Variants in NFASC observed in about 807,000 individuals in gnomAD.
NFASC encodes the protein neurofascin homolog.
NFASC carries 43 observed loss-of-function variants against 147.5 expected under a neutral mutation model. That is an observed-to-expected ratio of 0.29 (90% CI 0.23 to 0.38). NFASC has a LOEUF of 0.38. Among genes scored for constraint, NFASC ranks in the 10% least tolerant of loss-of-function variants. The pLI is 1.00. For synonymous variants in NFASC, 622 were observed against 665.5 expected (o/e 0.93, Z 1.01); for missense variants, 1,320 against 1,689.0 (o/e 0.78, Z 3.83).
chr1:204,905,248 CT>C (rs1258532017), intron 1 of NFASC, among the ~76,000 whole-genome samples: 1 of 152,142 alleles, frequency 6.6e-6, no homozygotes, highest in Non-Finnish European at 1.5e-5. Context: ...GCACACCTGG[CT>C]TATTTTTAAT....
intron 2 of NFASC, among the ~76,000 whole-genome samples, chr1:204,933,216 G>A (rs2092524246): frequency 6.6e-6 from 1 of 152,230 alleles, no homozygotes; most frequent in Non-Finnish European, 1.5e-5. Context: ...CATGGAGAAT[G>A]GATTGGATGG....
rs770983105 is a variant in NFASC, at chr1:204,954,394, G to A, written c.412+10G>A. The A allele has an allele frequency of 7.1e-5, 114 of 1,612,448 alleles. No individual in the cohort carries two copies. Among genetic ancestry groups the A allele is most frequent in the South Asian group, 4.7e-4 (43 of 90,884 alleles). On this transcript the variant is annotated intron_variant, in intron 6 of 29. Transcript: ENST00000339876. The surrounding 1 kb of genome is among the most constrained non-coding windows in gnomAD (Gnocchi z 5.7). ...CGCCTGCAGGTGTCTAGTGAGTAGC[G>A]TGGGGCAGGGCTGAAATGCCCTGCT... is the stretch of plus-strand genomic sequence containing the variant.
At chr1:204,832,975 A>G (rs771371134) in intron 1 of NFASC, among the ~76,000 whole-genome samples, 5 of 152,216 alleles carry the variant, frequency 3.3e-5, no homozygotes, top group Non-Finnish European at 7.3e-5. Context: ...GCCTAACTGT[A>G]AGGGCAGATG....
At chr1:204,901,687 C>T (rs747025484) in intron 1 of NFASC, among the ~76,000 whole-genome samples, 11 of 151,984 alleles carry the variant, frequency 7.2e-5, no homozygotes, top group South Asian at 4.2e-4. Flanking sequence ...GGCAGTAGCC[C>T]GAGGGGAGAG....
At chr1:204,958,111 G>A (rs183524374) in intron 8 of NFASC, among the ~76,000 whole-genome samples, 4 of 152,224 alleles carry the variant, frequency 2.6e-5, no homozygotes, top group African/African-American at 7.2e-5. Flanking sequence ...CCAGCCTATC[G>A]TACCTCAACA....
Position 204,974,650 on chromosome 1 carries a change from T to C in NFASC, c.1392-7T>C. 1 of 1,614,098 alleles carries C rather than the reference T, an allele frequency of 6.2e-7. No homozygotes were observed. On this transcript the variant is annotated splice_polypyrimidine_tract_variant and splice_region_variant and intron_variant, in intron 13 of 29. Transcript: ENST00000339876. The stretch of plus-strand genomic sequence containing the variant: ...GGATGCTGTGTGTTCTGCTGCTCTG[T>C]TGTGAGGTTTAAGAATGGGCAAGGA...
chr1:204,857,151 A>T (rs1271582309), intron 1 of NFASC, among the ~76,000 whole-genome samples: 3 of 152,218 alleles, frequency 2.0e-5, no homozygotes, highest in Admixed American at 2.0e-4. Flanking sequence ...CCAGCAGTGC[A>T]TGAGGGCTCC....
chr1:204,980,382 A>G lies in NFASC; in HGVS notation c.2189A>G (p.Asn730Ser), dbSNP rs765661045. The G allele has an allele frequency of 1.9e-6, 3 of 1,613,776 alleles. No individual in the cohort carries two copies. Among genetic ancestry groups the G allele is most frequent in the South Asian group, 1.1e-5 (1 of 90,984 alleles). Residue 730 changes from asparagine (N) to serine (S), a missense_variant, in exon 20 of 30, where the codon AAT becomes AGT. Coordinates refer to ENST00000339876, the MANE Select transcript of NFASC (RefSeq NM_001005388.3). ...YRTSGAPPES[N>S]PGDVKGEGTR... is the part of the protein sequence containing the mutation. ...GTTTGGGTTCCAGCCCCCGAGTCCA[A>G]TCCTGGTGACGTGAAGGGAGAGGGG...
At chr1:204,911,260 T>C (rs12065042) in intron 1 of NFASC, among the ~76,000 whole-genome samples, 34,574 of 152,222 alleles carry the variant, frequency 0.23, 4,297 homozygotes, top group Non-Finnish European at 0.29. Flanking sequence ...TTTTAAAATA[T>C]AGAACCAGCC....
At chr1:204,934,230 G>A (rs1448917255) in intron 2 of NFASC, among the ~76,000 whole-genome samples, 24 of 151,992 alleles carry the variant, frequency 1.6e-4, no homozygotes, top group Non-Finnish European at 1.5e-4. Context: ...GTTCTGGGGA[G>A]AGCAGCATTT....
chr1:204,877,068 T>TATATATATATAATATATTTATTTA (rs2079135585), intron 1 of NFASC, among the ~76,000 whole-genome samples: 1 of 93,768 alleles, frequency 1.1e-5, no homozygotes, highest in African/African-American at 5.2e-5. Context: ...ATTTATATAT[T>TATATATATATAATATATTTATTTA]TATATATATA....
intron 1 of NFASC, among the ~76,000 whole-genome samples, chr1:204,866,147 C>G (rs994332240): frequency 6.6e-5 from 10 of 152,166 alleles, no homozygotes; most frequent in African/African-American, 2.4e-4. Context: ...GCTTCCTTCC[C>G]CATCAGCAGC....
chr1:204,924,197 C>T (rs2091074920), intron 2 of NFASC, among the ~76,000 whole-genome samples: 1 of 152,158 alleles, frequency 6.6e-6, no homozygotes, highest in South Asian at 2.1e-4. Flanking sequence ...CCCCATGCCT[C>T]CTGTATTTTC....
At chr1:204,997,077 C>T (rs1010237437) in intron 24 of NFASC, 93 bp from the exon 25 acceptor site, 4 of 1,542,552 alleles carry the variant, frequency 2.6e-6, no homozygotes, top group Admixed American at 1.9e-5. Context: ...CCCGTCTCCT[C>T]ACCGGGCTGC....
At chr1:204,876,880 A>G (rs1490035876) in intron 1 of NFASC, among the ~76,000 whole-genome samples, 3 of 150,820 alleles carry the variant, frequency 2.0e-5, no homozygotes, top group Non-Finnish European at 4.4e-5. Context: ...TTTTTTATAA[A>G]GATTTGCAGC....
intron 1 of NFASC, among the ~76,000 whole-genome samples, chr1:204,843,522 C>A (rs1385391126): frequency 6.6e-6 from 1 of 151,772 alleles, no homozygotes; most frequent in African/African-American, 2.4e-5. Flanking sequence ...ATTTGTCTGC[C>A]TTCTCCCCTT....
chr1:204,857,913 C>CTTTT (rs1338962090), intron 1 of NFASC, among the ~76,000 whole-genome samples: 5 of 125,342 alleles, frequency 4.0e-5, no homozygotes, highest in African/African-American at 1.7e-4. Flanking sequence ...TCTCCTTCTT[C>CTTTT]TTCTTCTTTT....
At chr1:204,830,734 C>T (rs1000937100) in intron 1 of NFASC, among the ~76,000 whole-genome samples, 4 of 152,058 alleles carry the variant, frequency 2.6e-5, no homozygotes, top group Admixed American at 2.0e-4. Context: ...ATTGTGGTTG[C>T]CACTGTGGAA....
In NFASC at chr1:204,961,970, C is replaced by T. The variant is rs1014303371; in HGVS notation, c.706+4144C>T. ...GAGCGTATTGCCTTTCCAAATATGC[C>T]GTGTCTTTCCTTTGCAAAAGACCAC... On this transcript the variant is annotated intron_variant, in intron 8 of 29. Transcript: ENST00000339876. 4.3e-5 allele frequency: 28 copies of T among 649,830 alleles called. 1 individual carries two copies. Among genetic ancestry groups the T allele is most frequent in the Non-Finnish European group, 6.8e-5 (24 of 354,080 alleles). The allele number at this position is 649,830 out of a possible 1,614,324, so 40.3% of individuals were successfully genotyped here. A position where few individuals can be genotyped will look rare whatever the true frequency, so the allele number is the denominator to read the frequency against.
Sources: gnomAD v4.1 joint callset for allele counts (sites outside exome capture counted in the v4.1 genomes callset) on GRCh38, gnomAD v4.1.1 for gene constraint, Gnocchi (gnomAD v3.1) non-coding constraint, MANE v1.5 for transcripts, NCBI Gene and HGNC (gene_info 2026-07-23, HGNC 2026-07-21) for gene names.